Variants in MAGI2 observed in about 807,000 individuals in gnomAD.
MAGI2 encodes membrane-associated guanylate kinase, WW and PDZ domain-containing protein 2.
Under a neutral mutation model 133.3 loss-of-function variants are expected in MAGI2, and 35 were observed. The observed-to-expected ratio is 0.26, with a 90% confidence interval of 0.20 to 0.35. The LOEUF is 0.35. MAGI2 is among the 10% of genes least tolerant of loss of function. The pLI, the probability that MAGI2 is intolerant of heterozygous loss-of-function variation, is 1.00. For synonymous variants in MAGI2, 729 were observed against 710.6 expected, an observed-to-expected ratio of 1.03 and a Z score of -0.41; for missense variants, 1,636 against 1,863.4, an observed-to-expected ratio of 0.88 and a Z score of 2.25.
chr7:78,787,369 G>A (rs1403814868), intron 2 of MAGI2, among the ~76,000 whole-genome samples: 2 of 152,146 alleles, frequency 1.3e-5, no homozygotes, highest in Admixed American at 1.3e-4. Flanking sequence ...TAAGCCACTT[G>A]GGAATAAAGA....
chr7:78,343,887 G>T lies in MAGI2; in HGVS notation c.1299C>A (p.Asn433Lys). Residue 433 changes from asparagine to lysine, a missense_variant, in exon 9 of 22, where the codon AAC becomes AAA. This residue lies in a region of MAGI2 where 920 missense variants were observed against 1,093.5 expected (regional missense o/e 0.84). Coordinates refer to ENST00000354212, the MANE Select transcript of MAGI2 (RefSeq NM_012301.4). ...TFLSTTLKKS[N>K]MGFGFTIIGG... ...CAATGATGGTAAATCCAAAGCCCAT[G>T]TTGCTCTTTTTTAGGGTGGTGCTGA... 1 of 1,613,336 alleles carries T rather than the reference G, an allele frequency of 6.2e-7. No homozygotes were observed. The highest frequency in any genetic ancestry group is 1.1e-5 in the South Asian group (1 of 90,914).
intron 9 of MAGI2, among the ~76,000 whole-genome samples, chr7:78,266,021 G>C (rs1329962977): frequency 6.6e-6 from 1 of 152,154 alleles, no homozygotes; most frequent in Non-Finnish European, 1.5e-5. Context: ...AGTTCTGACT[G>C]AGCAAGAAAA....
intron 1 of MAGI2, among the ~76,000 whole-genome samples, chr7:79,261,009 A>G (rs1358086465): frequency 6.6e-6 from 1 of 152,226 alleles, no homozygotes; most frequent in Non-Finnish European, 1.5e-5. Flanking sequence ...ACTGGAAAAC[A>G]AACAATAAAC....
At chr7:78,796,678 C>T (rs527826624) in intron 2 of MAGI2, among the ~76,000 whole-genome samples, 1 of 152,124 alleles carries the variant, frequency 6.6e-6, no homozygotes, top group Non-Finnish European at 1.5e-5. Context: ...GGAATCTGCA[C>T]TCCCATGTTT....
At chr7:78,868,637 C>CA (rs1794773413) in intron 2 of MAGI2, among the ~76,000 whole-genome samples, 1 of 151,990 alleles carries the variant, frequency 6.6e-6, no homozygotes, top group Non-Finnish European at 1.5e-5. Flanking sequence ...TTTTAGGACA[C>CA]AAAAACTTAC....
At chr7:79,242,005 G>A (rs1832452070) in intron 1 of MAGI2, among the ~76,000 whole-genome samples, 1 of 152,124 alleles carries the variant, frequency 6.6e-6, no homozygotes. Flanking sequence ...AGTTCTCAGG[G>A]AGGCTGATTT....
At chr7:79,281,336 C>T (rs1554430988) in intron 1 of MAGI2, among the ~76,000 whole-genome samples, 2 of 152,084 alleles carry the variant, frequency 1.3e-5, no homozygotes, top group Non-Finnish European at 2.9e-5. Flanking sequence ...CCTGGTGATG[C>T]TGCTGCCAGT....
chr7:78,160,777 G>A (rs919201469), intron 15 of MAGI2, among the ~76,000 whole-genome samples: 3 of 152,152 alleles, frequency 2.0e-5, no homozygotes, highest in African/African-American at 4.8e-5. Flanking sequence ...GCTACACTTC[G>A]AGAAATGCTG....
At chr7:79,188,738 T>G (rs972327308) in intron 1 of MAGI2, among the ~76,000 whole-genome samples, 2 of 151,872 alleles carry the variant, frequency 1.3e-5, no homozygotes, top group African/African-American at 4.8e-5. Context: ...ATTTTAAAAT[T>G]TATGTAAGCA....
At chr7:79,147,686 T>TTC (rs1208938014) in intron 1 of MAGI2, among the ~76,000 whole-genome samples, 1 of 152,178 alleles carries the variant, frequency 6.6e-6, no homozygotes, top group Non-Finnish European at 1.5e-5. Flanking sequence ...ACTTCACATC[T>TTC]TCTCTCTCTG....
intron 1 of MAGI2, among the ~76,000 whole-genome samples, chr7:79,331,911 C>A (rs1050943928): frequency 2.0e-5 from 3 of 148,972 alleles, no homozygotes; most frequent in African/African-American, 7.5e-5. Flanking sequence ...CTAACCTGCA[C>A]AATGTGCACA....
intron 2 of MAGI2, among the ~76,000 whole-genome samples, chr7:78,851,592 T>C (rs905467891): frequency 8.5e-5 from 13 of 152,156 alleles, no homozygotes; most frequent in African/African-American, 1.2e-4. Flanking sequence ...CTTGCTTTTT[T>C]ACATTGTTTT....
chr7:78,216,860 A>G (rs1035921229), intron 10 of MAGI2, among the ~76,000 whole-genome samples: 1 of 152,142 alleles, frequency 6.6e-6, no homozygotes. Context: ...TTGGGGCTAG[A>G]AGTCTGAGAT....
At position 78,020,933 on chromosome 7, in the gene MAGI2, C is replaced by G. The variant is rs62464499; in HGVS notation, c.3707-957G>C. 6.6e-3 allele frequency among the ~76,000 whole-genome samples: 1,001 copies of G among 152,166 alleles called. 2 individuals carry two copies. The highest frequency in any genetic ancestry group is 0.038 in the Middle Eastern group (11 of 292). On this transcript the variant is annotated intron_variant, in intron 21 of 21. Coordinates refer to ENST00000354212, the MANE Select transcript of MAGI2 (RefSeq NM_012301.4). Reference sequence around the variant, plus strand: ...GGCCCCAGGACTAAGATAATTCTTTCTAGGAAGTCTAGTTCCAACATTTAC... The same window carrying G: ...GGCCCCAGGACTAAGATAATTCTTTGTAGGAAGTCTAGTTCCAACATTTAC...
In MAGI2 at chr7:78,521,354, T is replaced by G. The variant is rs973620682; in HGVS notation, c.754+76A>C. On this transcript the variant is annotated intron_variant, in intron 4 of 21. Transcript: ENST00000354212. ...CTATGTATCTGTATATATATCTTAC[T>G]GTGTATATGTGTACATATATATCTT... The G allele has an allele frequency of 3.1e-6, 3 of 973,188 alleles. No individual in the cohort carries two copies. In the East Asian group the frequency reaches 7.2e-5, roughly 23 times the overall value. The allele number at this position is 973,188 out of a possible 1,614,324, so 60.3% of individuals were successfully genotyped here. A position where few individuals can be genotyped will look rare whatever the true frequency, so the allele number is the denominator to read the frequency against.
At position 79,291,052 on chromosome 7, in the gene MAGI2, G is replaced by A. The variant is rs532214872; in HGVS notation, c.301+161968C>T. 3.3e-5 allele frequency among the ~76,000 whole-genome samples: 5 copies of A among 151,946 alleles called. No individual in the cohort carries two copies. In the South Asian group the frequency reaches 8.3e-4, roughly 25 times the overall value. ...TTTCACCACCTTAGAAAGAAGATCT[G>A]TACCCATTAGTAATCACTCCCCGCA... is the stretch of plus-strand genomic sequence containing the variant. On this transcript the variant is annotated intron_variant, in intron 1 of 21. Coordinates refer to ENST00000354212, the MANE Select transcript of MAGI2 (RefSeq NM_012301.4).
chr7:79,028,082 T>A (rs1810080166), intron 1 of MAGI2, among the ~76,000 whole-genome samples: 1 of 151,132 alleles, frequency 6.6e-6, no homozygotes. Flanking sequence ...CATGGTGGCA[T>A]GCGCCTGTAG....
In MAGI2 at chr7:78,214,284, TTTC is replaced by T. The variant is rs1788055153; in HGVS notation, c.2048-13094_2048-13092del. On this transcript the variant is annotated intron_variant, in intron 10 of 21. Coordinates refer to ENST00000354212, the MANE Select transcript of MAGI2 (RefSeq NM_012301.4). The stretch of plus-strand genomic sequence containing the variant: ...GAGGATCCCAAGTATGTTTTCTGAG[TTTC>T]TTGTTTTCTGTAGTAAATCTTTTTC... Among the ~76,000 whole-genome samples, 3 of 152,342 alleles carry T rather than the reference TTTC, an allele frequency of 2.0e-5. No individual in the cohort carries two copies. In the South Asian group the frequency reaches 6.2e-4, roughly 32 times the overall value.
At chr7:78,843,378 T>C (rs1490316216) in intron 2 of MAGI2, among the ~76,000 whole-genome samples, 1 of 151,978 alleles carries the variant, frequency 6.6e-6, no homozygotes, top group Non-Finnish European at 1.5e-5. Flanking sequence ...GTTGGTTGAT[T>C]CTTTTTTTGA....
Sources: gnomAD v4.1 joint callset for allele counts (sites outside exome capture counted in the v4.1 genomes callset) on GRCh38, gnomAD v4.1.1 for gene constraint, gnomAD v4.1.1 regional missense constraint, MANE v1.5 for transcripts, NCBI Gene and HGNC (gene_info 2026-07-23, HGNC 2026-07-21) for gene names.